Variants in ZNF407 observed in about 807,000 individuals in gnomAD.
ZNF407 encodes the protein zinc finger protein 407.
In ZNF407, 17 loss-of-function variants were observed where a neutral mutation model predicts 131.2. That is an observed-to-expected ratio of 0.13 (90% CI 0.09 to 0.19). The LOEUF (loss-of-function observed/expected upper bound fraction) is 0.19. Among genes scored for constraint, ZNF407 ranks in the 10% least tolerant of loss-of-function variants. ZNF407 has a pLI of 1.00. For missense variants in ZNF407, 2,681 were observed against 2,830.6 expected, an observed-to-expected ratio of 0.95 and a Z score of 1.20; for synonymous variants, 1,156 against 1,062.0, an observed-to-expected ratio of 1.09 and a Z score of -1.72.
intron 8 of ZNF407, among the ~76,000 whole-genome samples, chr18:75,060,591 C>T (rs866625752): frequency 6.6e-6 from 1 of 150,850 alleles, no homozygotes; most frequent in Non-Finnish European, 1.5e-5. Context: ...CTGCGAGCTC[C>T]GCCTCCCGGG....
chr18:74,885,351 TGAA>T (rs1305721718), intron 6 of ZNF407, among the ~76,000 whole-genome samples: 1 of 152,160 alleles, frequency 6.6e-6, no homozygotes, highest in Non-Finnish European at 1.5e-5. Context: ...TGAGAGAAAT[TGAA>T]GAAGATCTGA....
intron 3 of ZNF407, among the ~76,000 whole-genome samples, chr18:74,752,144 T>C (rs549042864): frequency 3.9e-5 from 6 of 152,374 alleles, no homozygotes; most frequent in East Asian, 3.9e-4. Context: ...CATTTTTTCA[T>C]GTGTCTGTTG....
intron 8 of ZNF407, among the ~76,000 whole-genome samples, chr18:75,053,534 T>C (rs1281590159): frequency 6.6e-6 from 1 of 152,174 alleles, no homozygotes; most frequent in Non-Finnish European, 1.5e-5. Flanking sequence ...TGCCTCATAG[T>C]TTGTCTTTTG....
At chr18:74,614,073 A>G (rs62097592) in intron 1 of ZNF407, among the ~76,000 whole-genome samples, 18,136 of 152,236 alleles carry the variant, frequency 0.12, 1,200 homozygotes, top group Non-Finnish European at 0.14. Context: ...TGATTATTGG[A>G]TCACTTATAA....
At chr18:75,059,556 T>C (rs747752619) in intron 8 of ZNF407, among the ~76,000 whole-genome samples, 1 of 152,174 alleles carries the variant, frequency 6.6e-6, no homozygotes, top group Non-Finnish European at 1.5e-5. Flanking sequence ...AAGGTTGACA[T>C]GTGAAGATGG....
intron 1 of ZNF407, among the ~76,000 whole-genome samples, chr18:74,623,032 G>A (rs1012640622): frequency 6.6e-5 from 8 of 120,798 alleles, no homozygotes; most frequent in African/African-American, 2.4e-4. Context: ...GTGTGTGAGT[G>A]CATGTGTGTG....
At chr18:74,820,631 G>A (rs959676395) in intron 4 of ZNF407, among the ~76,000 whole-genome samples, 2 of 152,122 alleles carry the variant, frequency 1.3e-5, no homozygotes, top group Admixed American at 6.5e-5. Flanking sequence ...TTAACCAGTC[G>A]TTCAACCTTG....
At chr18:74,727,059 C>A (rs1006874908) in intron 3 of ZNF407, among the ~76,000 whole-genome samples, 4 of 152,170 alleles carry the variant, frequency 2.6e-5, no homozygotes, top group Non-Finnish European at 5.9e-5. Context: ...CTCAGTTCAG[C>A]TCTACAAATG....
At chr18:74,985,219 C>T (rs1972638944) in intron 8 of ZNF407, among the ~76,000 whole-genome samples, 1 of 152,148 alleles carries the variant, frequency 6.6e-6, no homozygotes, top group Non-Finnish European at 1.5e-5. Context: ...TTGTTCACTA[C>T]TCTGGTAATT....
chr18:74,603,139 A>T (rs554643112), intron 1 of ZNF407, among the ~76,000 whole-genome samples: 3 of 152,218 alleles, frequency 2.0e-5, no homozygotes, highest in African/African-American at 4.8e-5. Context: ...TAATAGGTTC[A>T]TGCATTTGGT....
intron 2 of ZNF407, among the ~76,000 whole-genome samples, chr18:74,638,444 GT>G (rs1984560730): frequency 6.6e-6 from 1 of 152,208 alleles, no homozygotes; most frequent in Non-Finnish European, 1.5e-5. Context: ...GTGGTTAGAT[GT>G]TGGGTAATAT....
rs182549585 is a variant in ZNF407 at position 74,613,834 on chromosome 18, A to C, written c.-54+15897A>C. On this transcript the variant is annotated intron_variant, in intron 1 of 8. Transcript: ENST00000299687. ...ATCCACATAGTTGTTTTAAAGAAAA[A>C]CAAATAAGGTAATAAGAAGCCTAAT... Among the ~76,000 whole-genome samples, 575 of 152,320 alleles carry C rather than the reference A, an allele frequency of 3.8e-3. 1 individual carries two copies. Among genetic ancestry groups the C allele is most frequent in the African/African-American group, 0.013 (546 of 41,576 alleles).
intron 8 of ZNF407, among the ~76,000 whole-genome samples, chr18:75,041,686 A>G (rs151061592): frequency 2.1e-3 from 314 of 152,190 alleles, no homozygotes; most frequent in Admixed American, 7.9e-3. Flanking sequence ...GTGCAGCTCT[A>G]GTGTAACTGA....
At position 74,633,371 on chromosome 18, in the gene ZNF407, TAAAAAA is replaced by T. The variant is rs1425571189; in HGVS notation, c.2353_2358del (p.Lys785_Lys786del). 2 of 1,613,776 alleles carry T rather than the reference TAAAAAA, an allele frequency of 1.2e-6. No individual in the cohort carries two copies. The highest frequency in any genetic ancestry group is 1.3e-5 in the African/African-American group (1 of 74,994). ...AAAGGGTATGTATAGGTGCAAATGA[TAAAAAA>T]GAAGAGTTTGATGTTTCCGGAAATG... On this transcript the variant is annotated inframe_deletion, in exon 2 of 9. Coordinates refer to ENST00000299687, the MANE Select transcript of ZNF407 (RefSeq NM_017757.3).
At chr18:74,781,358 G>C (rs7228438) in intron 3 of ZNF407, 70 bp from the exon 4 acceptor site, 1 of 1,087,928 alleles carries the variant, frequency 9.2e-7, no homozygotes, top group Non-Finnish European at 1.3e-6. Flanking sequence ...TTATTCTTAA[G>C]TTCTCTTTGT....
intron 8 of ZNF407, among the ~76,000 whole-genome samples, chr18:74,964,059 T>C (rs1185926208): frequency 6.6e-6 from 1 of 152,226 alleles, no homozygotes; most frequent in Non-Finnish European, 1.5e-5. Flanking sequence ...TGTCAGTGCC[T>C]GAAACCTCTA....
chr18:74,600,698 AGCGGT>A, intron 1 of ZNF407, among the ~76,000 whole-genome samples: 1 of 152,312 alleles, frequency 6.6e-6, no homozygotes, highest in African/African-American at 2.4e-5. Context: ...AGAGATAAAG[AGCGGT>A]TAGGGAATCC....
rs188735500 is a variant in ZNF407 at position 74,752,429 on chromosome 18, T to G, written c.4803-28999T>G. Among the ~76,000 whole-genome samples the G allele has an allele frequency of 1.2e-3, 177 of 152,354 alleles. 3 individuals are homozygous for G. In the East Asian group the frequency reaches 0.027, roughly 23 times the overall value. On this transcript the variant is annotated intron_variant, in intron 3 of 8. Coordinates refer to ENST00000299687, the MANE Select transcript of ZNF407 (RefSeq NM_017757.3). ...TTTTGTTGCCATTGCTTTTGGTGTT[T>G]TAGTCATGAAGTCCTTGCCCATGCC...
At chr18:74,610,156 T>G (rs899055080) in intron 1 of ZNF407, among the ~76,000 whole-genome samples, 1 of 152,182 alleles carries the variant, frequency 6.6e-6, no homozygotes. Flanking sequence ...CTCATAAATA[T>G]TTGATGAATA....
Sources: allele counts gnomAD v4.1 joint callset (sites outside exome capture counted in the v4.1 genomes callset), GRCh38; gene constraint gnomAD v4.1.1; transcripts MANE v1.5; gene names NCBI Gene and HGNC (gene_info 2026-07-23, HGNC 2026-07-21).